KCNQ1OT1: variants seen among roughly 807,000 people sequenced by gnomAD.
KCNQ1OT1 encodes KCNQ1 opposite strand/antisense transcript 1.
In KCNQ1OT1 at chr11:2,620,102, A is replaced by C. The variant is rs1421492885; in HGVS notation, n.79893T>G. 1 of 398,220 alleles carries C rather than the reference A, an allele frequency of 2.5e-6. No homozygotes were observed. Among genetic ancestry groups the C allele is most frequent in the African/African-American group, 2.1e-5 (1 of 48,562 alleles). 24.7% of individuals were successfully genotyped at this position (398,220 alleles called of 1,614,324 possible). A position where few individuals can be genotyped will look rare whatever the true frequency, so the allele number is the denominator to read the frequency against. ...GTTTAGGTCCCACTTGCAAGTGGTA[A>C]CATGCAGTATTTGGTTTTCTGTTCC... On this transcript the variant is annotated non_coding_transcript_exon_variant, in exon 1 of 1. Coordinates refer to ENST00000597346, the Ensembl canonical transcript of KCNQ1OT1. This position sits in a 1 kb window ranked among gnomAD's most constrained non-coding sequence, Gnocchi z 4.5.
exon 1 of KCNQ1OT1, chr11:2,643,006 T>C (rs1338570771): frequency 7.5e-6 from 3 of 398,014 alleles, no homozygotes; most frequent in Non-Finnish European, 8.9e-6. Flanking sequence ...TATGCTATTG[T>C]GGTCTGAGAA....
chr11:2,631,330 T>C, exon 1 of KCNQ1OT1: 1 of 398,592 alleles, frequency 2.5e-6, no homozygotes, highest in Non-Finnish European at 4.4e-6. Flanking sequence ...ATCCTCCAGT[T>C]GATGAATTCC....
chr11:2,647,441 T>C lies in KCNQ1OT1; in HGVS notation n.52554A>G, dbSNP rs1849683715. 2.5e-6 allele frequency: 1 copy of C among 398,460 alleles called. No homozygotes were observed. Among genetic ancestry groups the C allele is most frequent in the African/African-American group, 2.1e-5 (1 of 48,638 alleles). 24.7% of individuals were successfully genotyped at this position (398,460 alleles called of 1,614,324 possible). ...TCTGCATCTATGTTCATCAGGGAGA[T>C]TGGCCTGTAGTTTTCTTTTTTGCTG... On this transcript the variant is annotated non_coding_transcript_exon_variant, in exon 1 of 1. Transcript: ENST00000597346. This position sits in a 1 kb window ranked among gnomAD's most constrained non-coding sequence, Gnocchi z 4.0.
exon 1 of KCNQ1OT1, chr11:2,693,372 A>C (rs1850620376): frequency 5.0e-6 from 2 of 398,650 alleles, no homozygotes; most frequent in Non-Finnish European, 8.8e-6. Flanking sequence ...GAGTCTGGCC[A>C]AGCAGCAGTG....
At position 2,676,973 on chromosome 11, in the gene KCNQ1OT1, T is replaced by A; in HGVS notation, n.23022A>T. 1 of 398,658 alleles carries A rather than the reference T, an allele frequency of 2.5e-6. No homozygotes were observed. The allele number at this position is 398,658 out of a possible 1,614,324, so 24.7% of individuals were successfully genotyped here. ...TATTAAGACATCTAGCAAATCTCCT[T>A]TTCATTAACAGCTGCAGAGTTTCAT... On this transcript the variant is annotated non_coding_transcript_exon_variant, in exon 1 of 1. Transcript: ENST00000597346. This position sits in a 1 kb window ranked among gnomAD's most constrained non-coding sequence, Gnocchi z 4.2.
chr11:2,686,162 C>G, exon 1 of KCNQ1OT1: 1 of 398,888 alleles, frequency 2.5e-6, no homozygotes. Context: ...CTTCGCCTTT[C>G]TGAGAGCACA....
chr11:2,688,182 GCA>G, exon 1 of KCNQ1OT1: 1 of 398,830 alleles, frequency 2.5e-6, no homozygotes, highest in Non-Finnish European at 4.4e-6. Flanking sequence ...CAGCTCCCAA[GCA>G]AGGGGGCAGG....
At chr11:2,666,698 A>G (rs908480723) in exon 1 of KCNQ1OT1, 50 of 398,546 alleles carry the variant, frequency 1.3e-4, no homozygotes, top group Non-Finnish European at 2.1e-4. Flanking sequence ...CATTTTGGAG[A>G]CATCCAGGTC....
rs1261141712 is a variant in KCNQ1OT1, at chr11:2,642,080, CT to C, written n.57914del. 1 of 398,228 alleles carries C rather than the reference CT, an allele frequency of 2.5e-6. No individual in the cohort carries two copies. Among genetic ancestry groups the C allele is most frequent in the African/African-American group, 2.1e-5 (1 of 48,588 alleles). The allele number at this position is 398,228 out of a possible 1,614,324, so 24.7% of individuals were successfully genotyped here. A position where few individuals can be genotyped will look rare whatever the true frequency, so the allele number is the denominator to read the frequency against. Reference sequence around the variant, plus strand: ...GATGCATCCAACTTTGTTATTTTTGCTCAGAATTGCTGTGGCTATTCCAGCT... The same window carrying C: ...GATGCATCCAACTTTGTTATTTTTGCCAGAATTGCTGTGGCTATTCCAGCT... On this transcript the variant is annotated non_coding_transcript_exon_variant, in exon 1 of 1. Coordinates refer to ENST00000597346, the Ensembl canonical transcript of KCNQ1OT1. This position sits in a 1 kb window ranked among gnomAD's most constrained non-coding sequence, Gnocchi z 4.3.
exon 1 of KCNQ1OT1, chr11:2,640,586 A>G: frequency 2.5e-6 from 1 of 396,018 alleles, no homozygotes; most frequent in Non-Finnish European, 4.4e-6. Flanking sequence ...TTTGACCGAT[A>G]CATAATACTT....
At chr11:2,646,515 A>G (rs1849668460) in exon 1 of KCNQ1OT1, 1 of 398,374 alleles carries the variant, frequency 2.5e-6, no homozygotes. Flanking sequence ...CAGAAATGCT[A>G]CTGATTTTTT....
chr11:2,699,660 C>CCCCGGGGAGAACCGCGCCGAAGAACA, exon 1 of KCNQ1OT1: 1 of 359,478 alleles, frequency 2.8e-6, no homozygotes, highest in Admixed American at 4.7e-5. Context: ...GCCGAAGAAC[C>CCCCGGGGAGAACCGCGCCGAAGAACA]CCCGGGGAGA....
At chr11:2,697,468 A>G (rs1850697164) in exon 1 of KCNQ1OT1, 1 of 398,480 alleles carries the variant, frequency 2.5e-6, no homozygotes, top group Non-Finnish European at 4.4e-6. Context: ...TAATTTCTCT[A>G]TCAAGTTTAC....
chr11:2,614,420 T>C (rs1849027903), exon 1 of KCNQ1OT1: 2 of 398,422 alleles, frequency 5.0e-6, no homozygotes, highest in South Asian at 1.3e-4. Flanking sequence ...ACATTTACAA[T>C]ATTGTGTTTT....
Position 2,655,180 on chromosome 11 carries a change from G to T in KCNQ1OT1, n.44815C>A, listed in dbSNP as rs1849823450. Reference sequence around the variant, plus strand: ...GTTTGATTCCTGTTCTCTTGAGAGGGTGAGACTTGGCAGCCAGCGTCCCCA... The same window carrying T: ...GTTTGATTCCTGTTCTCTTGAGAGGTTGAGACTTGGCAGCCAGCGTCCCCA... On this transcript the variant is annotated non_coding_transcript_exon_variant, in exon 1 of 1. Transcript: ENST00000597346. 3 of 398,516 alleles carry T rather than the reference G, an allele frequency of 7.5e-6. No individual in the cohort carries two copies. In the South Asian group the frequency reaches 3.8e-4, roughly 51 times the overall value. 24.7% of individuals were successfully genotyped at this position (398,516 alleles called of 1,614,324 possible).
At chr11:2,689,598 C>A in exon 1 of KCNQ1OT1, 1 of 398,670 alleles carries the variant, frequency 2.5e-6, no homozygotes, top group South Asian at 1.3e-4. Context: ...CTTCTAGATT[C>A]TCAAGGATCC....
At position 2,698,334 on chromosome 11, in the gene KCNQ1OT1, C is replaced by T. The variant is rs1850713334; in HGVS notation, n.1661G>A. The T allele has an allele frequency of 2.5e-6, 1 of 398,586 alleles. No individual in the cohort carries two copies. The highest frequency in any genetic ancestry group is 4.4e-6 in the Non-Finnish European group (1 of 226,060). 24.7% of individuals were successfully genotyped at this position (398,586 alleles called of 1,614,324 possible). A position where few individuals can be genotyped will look rare whatever the true frequency, so the allele number is the denominator to read the frequency against. On this transcript the variant is annotated non_coding_transcript_exon_variant, in exon 1 of 1. Transcript: ENST00000597346. This position sits in a 1 kb window ranked among gnomAD's most constrained non-coding sequence, Gnocchi z 5.1. ...ACCAGAACAGTGCTGTGGGAAGGCA[C>T]TCTTACTCTCAATTTTATATAAAAG...
At position 2,698,175 on chromosome 11, in the gene KCNQ1OT1, T is replaced by C. The variant is rs899920189; in HGVS notation, n.1820A>G. On this transcript the variant is annotated non_coding_transcript_exon_variant, in exon 1 of 1. Transcript: ENST00000597346. This position sits in a 1 kb window ranked among gnomAD's most constrained non-coding sequence, Gnocchi z 5.1. The stretch of plus-strand genomic sequence containing the variant: ...AGTTCCTCGTTGGGAGCTTTTGGTC[T>C]AGCAAAAGGGGCACCACAGTAAAGA... 29 of 398,620 alleles carry C rather than the reference T, an allele frequency of 7.3e-5. No homozygotes were observed. Among genetic ancestry groups the C allele is most frequent in the African/African-American group, 5.9e-4 (29 of 48,742 alleles). The allele number at this position is 398,620 out of a possible 1,614,324, so 24.7% of individuals were successfully genotyped here.
In KCNQ1OT1 at chr11:2,683,339, A is replaced by G. The variant is rs1302899567; in HGVS notation, n.16656T>C. 2 of 398,398 alleles carry G rather than the reference A, an allele frequency of 5.0e-6. No individual in the cohort carries two copies. Among genetic ancestry groups the G allele is most frequent in the Non-Finnish European group, 4.4e-6 (1 of 226,054 alleles). The allele number at this position is 398,398 out of a possible 1,614,324, so 24.7% of individuals were successfully genotyped here. A position where few individuals can be genotyped will look rare whatever the true frequency, so the allele number is the denominator to read the frequency against. On this transcript the variant is annotated non_coding_transcript_exon_variant, in exon 1 of 1. Transcript: ENST00000597346. The surrounding 1 kb of genome is among the most constrained non-coding windows in gnomAD (Gnocchi z 4.7). ...GGCCAGGTTTCCCCCGCTCAACACT[A>G]GGCCACTGTGCCTGCCACTGCTGTC...
Sources: allele counts gnomAD v4.1 joint callset, GRCh38; gene constraint gnomAD v4.1.1; non-coding constraint Gnocchi (gnomAD v3.1); transcripts MANE v1.5; gene names NCBI Gene and HGNC (gene_info 2026-07-23, HGNC 2026-07-21).